Variants in RHOJ observed in about 807,000 individuals in gnomAD.
The protein encoded by RHOJ is ras homolog family member J.
Under a neutral mutation model 23.4 loss-of-function variants are expected in RHOJ, and 11 were observed. The observed-to-expected ratio is 0.47, with a 90% CI of 0.30 to 0.78. RHOJ has a LOEUF of 0.78. RHOJ is among the 30% of genes least tolerant of loss of function. RHOJ has a pLI of 0.08. For synonymous variants in RHOJ, 102 were observed against 102.7 expected, an observed-to-expected ratio of 0.99 and a Z score of 0.04; for missense variants, 254 against 273.4, an observed-to-expected ratio of 0.93 and a Z score of 0.50.
intron 1 of RHOJ, among the ~76,000 whole-genome samples, chr14:63,247,446 G>A (rs866605850): frequency 1.3e-5 from 2 of 151,918 alleles, no homozygotes; most frequent in African/African-American, 4.8e-5. Context: ...AATCTAGTGT[G>A]TTCTAGTGAG....
rs756374120 is a variant in RHOJ, at chr14:63,269,149, T to C, written c.218T>C (p.Leu73Pro). Residue 73 changes from leucine to proline, a missense_variant, in exon 2 of 5, where the codon CTG (leucine) becomes CCG (proline). By Grantham distance (98) the Leu-to-Pro change is moderately conservative (BLOSUM62 -3). Coordinates refer to ENST00000316754, the MANE Select transcript of RHOJ (RefSeq NM_020663.5). ...TVGGKQHLLG[L>P]YDTAGQEDYN... ...GGAGGCAAGCAACACTTGCTCGGAC[T>C]GTATGACACCGCGGGACAGGTACAT... 6.2e-7 allele frequency: 1 copy of C among 1,613,164 alleles called. No individual in the cohort carries two copies. Among genetic ancestry groups the C allele is most frequent in the South Asian group, 1.1e-5 (1 of 91,058 alleles).
chr14:63,216,516 A>C (rs928414049), intron 1 of RHOJ, among the ~76,000 whole-genome samples: 2 of 152,198 alleles, frequency 1.3e-5, no homozygotes, highest in Admixed American at 1.3e-4. Context: ...GGCCCTTTAT[A>C]CTTGTCAAAG....
intron 1 of RHOJ, among the ~76,000 whole-genome samples, chr14:63,207,988 GA>G (rs1288081898): frequency 6.6e-6 from 1 of 152,124 alleles, no homozygotes; most frequent in Non-Finnish European, 1.5e-5. Context: ...CTACAAGAAG[GA>G]AAAATGTAAT....
chr14:63,289,915 T>G lies in RHOJ; in HGVS notation c.499-963T>G, dbSNP rs142279616. On this transcript the variant is annotated intron_variant, in intron 4 of 4. Coordinates refer to ENST00000316754, the MANE Select transcript of RHOJ (RefSeq NM_020663.5). The stretch of plus-strand genomic sequence containing the variant: ...TGTTATTGTTACATGTTTTAGTGGG[T>G]TTTTTTTTTAACTTTTTAAAAAATA... 2.8e-4 allele frequency among the ~76,000 whole-genome samples: 42 copies of G among 148,782 alleles called. No individual in the cohort carries two copies. In the East Asian group the frequency reaches 5.3e-3, roughly 19 times the overall value.
At chr14:63,213,537 T>C (rs1453818536) in intron 1 of RHOJ, among the ~76,000 whole-genome samples, 2 of 152,232 alleles carry the variant, frequency 1.3e-5, no homozygotes, top group Non-Finnish European at 2.9e-5. Context: ...CAATCCACCA[T>C]TGATGGGCAC....
At chr14:63,258,009 C>G (rs1275321751) in intron 1 of RHOJ, among the ~76,000 whole-genome samples, 1 of 149,432 alleles carries the variant, frequency 6.7e-6, no homozygotes, top group Non-Finnish European at 1.5e-5. Context: ...GGTGGATCAC[C>G]TGAGGTCAGG....
chr14:63,247,916 A>G (rs1006357345), intron 1 of RHOJ, among the ~76,000 whole-genome samples: 1 of 152,206 alleles, frequency 6.6e-6, no homozygotes, highest in Non-Finnish European at 1.5e-5. Context: ...GCAGCAGGCA[A>G]GACAGAGAAT....
intron 1 of RHOJ, among the ~76,000 whole-genome samples, chr14:63,230,274 G>A (rs1894666969): frequency 6.6e-6 from 1 of 152,056 alleles, no homozygotes; most frequent in East Asian, 1.9e-4. Context: ...TACTTCAGTA[G>A]TGGAGTCCTA....
chr14:63,267,814 C>A (rs1302776296), intron 1 of RHOJ, among the ~76,000 whole-genome samples: 1 of 152,200 alleles, frequency 6.6e-6, no homozygotes, highest in African/African-American at 2.4e-5. Flanking sequence ...AACAGCTCAT[C>A]TGAGCGGCTG....
Position 63,290,881 on chromosome 14 carries a change from G to C in RHOJ, c.502G>C (p.Gly168Arg). 6.2e-7 allele frequency: 1 copy of C among 1,608,710 alleles called. No individual in the cohort carries two copies. The highest frequency in any genetic ancestry group is 2.2e-5 in the East Asian group (1 of 44,856). ...CTTTCTCTCTTTTGTGTTTAAGATC[G>C]GAGCACAGTGCTACTTGGAATGTTC... ...EHGVKLAKAI[G>R]AQCYLECSAL... Residue 168 changes from glycine (G) to arginine (R), a missense_variant, in exon 5 of 5, where the codon GGA becomes CGA. Gly to Arg is a moderately radical substitution (Grantham distance 125). Transcript: ENST00000316754.
intron 4 of RHOJ, among the ~76,000 whole-genome samples, chr14:63,285,555 A>G (rs894880143): frequency 6.6e-6 from 1 of 152,160 alleles, no homozygotes; most frequent in African/African-American, 2.4e-5. Context: ...ACATTTTTAT[A>G]TCATACACAT....
intron 1 of RHOJ, among the ~76,000 whole-genome samples, chr14:63,255,827 C>T (rs1284953903): frequency 6.6e-6 from 1 of 152,028 alleles, no homozygotes; most frequent in East Asian, 1.9e-4. Context: ...GTCACTGGGG[C>T]ATTCGCAAAT....
intron 1 of RHOJ, among the ~76,000 whole-genome samples, chr14:63,262,849 G>A (rs539011394): frequency 1.6e-4 from 24 of 152,316 alleles, no homozygotes; most frequent in African/African-American, 5.3e-4. Context: ...TGTCCAGTGG[G>A]GAATATCAGA....
chr14:63,214,219 C>T (rs1396416505), intron 1 of RHOJ, among the ~76,000 whole-genome samples: 2 of 152,114 alleles, frequency 1.3e-5, no homozygotes, highest in Non-Finnish European at 2.9e-5. Context: ...CTACACCAGA[C>T]CCATTTAGAG....
intron 1 of RHOJ, among the ~76,000 whole-genome samples, chr14:63,252,645 A>G (rs901477409): frequency 2.6e-5 from 4 of 152,028 alleles, no homozygotes; most frequent in Admixed American, 2.0e-4. Context: ...ATTTACTACT[A>G]TCTTTGTTGT....
intron 1 of RHOJ, among the ~76,000 whole-genome samples, chr14:63,245,635 C>T (rs576768013): frequency 6.6e-6 from 1 of 152,100 alleles, no homozygotes; most frequent in South Asian, 2.1e-4. Flanking sequence ...TCCAGGATGA[C>T]AGAGCAAGAC....
intron 1 of RHOJ, among the ~76,000 whole-genome samples, chr14:63,256,639 G>A (rs1354291585): frequency 4.6e-5 from 7 of 152,162 alleles, no homozygotes; most frequent in African/African-American, 7.2e-5. Context: ...AGGCTGGACC[G>A]AAGTGACAAG....
intron 1 of RHOJ, among the ~76,000 whole-genome samples, chr14:63,257,427 T>C (rs976904603): frequency 8.7e-5 from 13 of 149,666 alleles, no homozygotes; most frequent in African/African-American, 3.2e-4. Flanking sequence ...TGAAGGGTCA[T>C]AGGTCAAGAC....
At position 63,221,367 on chromosome 14, in the gene RHOJ, G is replaced by T. The variant is rs190599442; in HGVS notation, c.178+16320G>T. Among the ~76,000 whole-genome samples, 190 of 152,208 alleles carry T rather than the reference G, an allele frequency of 1.2e-3. 1 individual carries two copies. Among genetic ancestry groups the T allele is most frequent in the Non-Finnish European group, 2.5e-3 (167 of 68,010 alleles). The stretch of plus-strand genomic sequence containing the variant: ...ATATATAACTGCTTCTAATCCCTCT[G>T]CCAGGCTCTTCCTTCTAACAAGGCA... On this transcript the variant is annotated intron_variant, in intron 1 of 4. Transcript: ENST00000316754.
Sources: allele counts gnomAD v4.1 joint callset (sites outside exome capture counted in the v4.1 genomes callset), GRCh38; gene constraint gnomAD v4.1.1; transcripts MANE v1.5; gene names NCBI Gene and HGNC (gene_info 2026-07-23, HGNC 2026-07-21).